The following MYOF variants were observed in gnomAD, a reference collection of about 807,000 sequenced individuals.
MYOF encodes fer-1-like 3, myoferlin.
A neutral mutation model predicts 284.2 loss-of-function variants in MYOF; 244 were observed. The observed-to-expected ratio is 0.86, with a 90% CI of 0.77 to 0.95. The LOEUF (loss-of-function observed/expected upper bound fraction) is 0.95, where lower values mean the gene tolerates loss of function less well. MYOF is among the 40% of genes least tolerant of loss of function. MYOF has a pLI of 0.00. For synonymous variants in MYOF, 904 were observed against 919.7 expected, an observed-to-expected ratio of 0.98 and a Z score of 0.31; for missense variants, 2,496 against 2,560.6, an observed-to-expected ratio of 0.97 and a Z score of 0.54.
At chr10:93,459,865 G>A (rs1256110668) in intron 1 of MYOF, among the ~76,000 whole-genome samples, 1 of 152,166 alleles carries the variant, frequency 6.6e-6, no homozygotes, top group Non-Finnish European at 1.5e-5. Context: ...GCATGAAATA[G>A]TACCACCAAT....
chr10:93,306,895 G>T lies in MYOF; in HGVS notation c.*68C>A, dbSNP rs1842124394. Reference sequence around the variant, plus strand: ...TGGTCTCAGACACAAAATCACACTGGATGTTGGTCTACAGAGGCAGGATTC... The same window carrying T: ...TGGTCTCAGACACAAAATCACACTGTATGTTGGTCTACAGAGGCAGGATTC... On this transcript the variant is annotated 3_prime_UTR_variant, in exon 54 of 54. Coordinates refer to ENST00000359263, the MANE Select transcript of MYOF (RefSeq NM_013451.4). The T allele has an allele frequency of 1.3e-6, 2 of 1,499,100 alleles. No homozygotes were observed. Among genetic ancestry groups the T allele is most frequent in the Admixed American group, 1.7e-5 (1 of 58,572 alleles). The allele number at this position is 1,499,100 out of a possible 1,614,324, so 92.9% of individuals were successfully genotyped here. A position where few individuals can be genotyped will look rare whatever the true frequency, so the allele number is the denominator to read the frequency against.
At chr10:93,353,508 C>T (rs1005870138) in intron 32 of MYOF, among the ~76,000 whole-genome samples, 2 of 152,104 alleles carry the variant, frequency 1.3e-5, no homozygotes, top group African/African-American at 4.8e-5. Context: ...GGGATGAAAA[C>T]ACAGCCATGT....
At chr10:93,313,596 A>G (rs111729953) in intron 50 of MYOF, among the ~76,000 whole-genome samples, 28 of 152,288 alleles carry the variant, frequency 1.8e-4, no homozygotes, top group African/African-American at 5.5e-4. Flanking sequence ...TAAAGACAAT[A>G]GGTGCTTAGA....
intron 52 of MYOF, 56 bp downstream of exon 52, chr10:93,310,478 G>T: frequency 6.5e-7 from 1 of 1,545,140 alleles, no homozygotes; most frequent in Non-Finnish European, 8.9e-7. Flanking sequence ...CAATGGGAAG[G>T]GGGGCTCTCA....
intron 26 of MYOF, among the ~76,000 whole-genome samples, chr10:93,365,990 A>G (rs1290189330): frequency 6.6e-6 from 1 of 152,110 alleles, no homozygotes; most frequent in African/African-American, 2.4e-5. Flanking sequence ...TGTGGGCAAT[A>G]AAGTTCTTTT....
At chr10:93,323,713 A>ACG (rs542348227) in intron 46 of MYOF, 135 of 235,444 alleles carry the variant, frequency 5.7e-4, no homozygotes, top group Middle Eastern at 2.9e-3. Flanking sequence ...ACACACACAC[A>ACG]CGCGCGTGCG....
At chr10:93,422,517 C>T (rs1300106062) in intron 5 of MYOF, among the ~76,000 whole-genome samples, 1 of 152,186 alleles carries the variant, frequency 6.6e-6, no homozygotes, top group African/African-American at 2.4e-5. Context: ...ATAGTTGGGG[C>T]CAGGCGTGGT....
At chr10:93,352,966 A>G (rs1844592034) in intron 32 of MYOF, among the ~76,000 whole-genome samples, 1 of 152,214 alleles carries the variant, frequency 6.6e-6, no homozygotes, top group Non-Finnish European at 1.5e-5. Context: ...TGCTTGGAAC[A>G]CGCTTCAAAA....
At chr10:93,347,934 C>T (rs1028655593) in intron 36 of MYOF, 152 bp from the exon 37 acceptor site, 5 of 781,330 alleles carry the variant, frequency 6.4e-6, no homozygotes, top group South Asian at 4.4e-5. Context: ...CAAGGAGCTC[C>T]GTGCTTAAGA....
At chr10:93,337,750 G>A (rs1367873058) in intron 40 of MYOF, 65 bp downstream of exon 40, 19 of 1,380,618 alleles carry the variant, frequency 1.4e-5, no homozygotes, top group Admixed American at 6.9e-5. Context: ...CATCCTCTTA[G>A]CTCTGCCTGT....
At chr10:93,358,214 A>T (rs1844902482) in intron 29 of MYOF, among the ~76,000 whole-genome samples, 1 of 152,184 alleles carries the variant, frequency 6.6e-6, no homozygotes, top group African/African-American at 2.4e-5. Flanking sequence ...AACATCACGG[A>T]TCACTAGAGA....
intron 24 of MYOF, 49 bp from the exon 25 acceptor site, chr10:93,369,825 CTG>C (rs759254200): frequency 6.2e-6 from 10 of 1,605,238 alleles, no homozygotes; most frequent in African/African-American, 1.3e-5. Flanking sequence ...ACAGCAAAGA[CTG>C]TGACATTAAG....
chr10:93,329,947 C>T, intron 43 of MYOF, 113 bp from the exon 44 acceptor site: 8 of 1,087,036 alleles, frequency 7.4e-6, no homozygotes, highest in Non-Finnish European at 9.6e-6. Context: ...TGCTGGAGGA[C>T]ATCTGAGCAG....
intron 4 of MYOF, among the ~76,000 whole-genome samples, chr10:93,427,573 A>G (rs1848653803): frequency 6.6e-6 from 1 of 151,670 alleles, no homozygotes; most frequent in South Asian, 2.1e-4. Context: ...AAACATGTAT[A>G]TAAAGTTGTG....
At chr10:93,341,879 C>G (rs915120009) in intron 38 of MYOF, 3 of 1,281,138 alleles carry the variant, frequency 2.3e-6, no homozygotes, top group Non-Finnish European at 3.1e-6. Flanking sequence ...CCCACAGTCC[C>G]AGGCAGCCTC....
At chr10:93,466,709 C>G (rs181720080) in intron 1 of MYOF, among the ~76,000 whole-genome samples, 1 of 152,312 alleles carries the variant, frequency 6.6e-6, no homozygotes, top group East Asian at 1.9e-4. Context: ...GCGCAGTGCT[C>G]ACACCTGTAA....
chr10:93,372,808 G>T, intron 24 of MYOF, 122 bp downstream of exon 24: 2 of 1,209,080 alleles, frequency 1.7e-6, no homozygotes, highest in Non-Finnish European at 2.4e-6. Context: ...ACCAGGATGG[G>T]CTAGAATTGA....
At chr10:93,348,230 T>TA (rs1253069719) in intron 36 of MYOF, among the ~76,000 whole-genome samples, 1 of 152,214 alleles carries the variant, frequency 6.6e-6, no homozygotes. Flanking sequence ...TTTGGTCATC[T>TA]ACTAGCCAAG....
chr10:93,359,625 A>G (rs915839120), intron 29 of MYOF, among the ~76,000 whole-genome samples: 2 of 152,190 alleles, frequency 1.3e-5, no homozygotes, highest in Admixed American at 1.3e-4. Context: ...GGATTTCTAA[A>G]TCAGGAGGTT....
Sources: gnomAD v4.1 joint callset for allele counts (sites outside exome capture counted in the v4.1 genomes callset) on GRCh38, gnomAD v4.1.1 for gene constraint, MANE v1.5 for transcripts, NCBI Gene and HGNC (gene_info 2026-07-23, HGNC 2026-07-21) for gene names.